Variants in NRG1 observed in about 807,000 individuals in gnomAD.
NRG1 encodes the protein pro-neuregulin-1, membrane-bound isoform.
Under a neutral mutation model 63.8 loss-of-function variants are expected in NRG1, and 18 were observed. The ratio of observed to expected loss-of-function variants is 0.28; its 90% CI spans 0.19 to 0.42. NRG1 has a LOEUF of 0.42. NRG1 is among the 10% of genes least tolerant of loss of function. NRG1 has a pLI of 1.00. For missense variants in NRG1, 762 were observed against 814.7 expected, an observed-to-expected ratio of 0.94 and a Z score of 0.79; for synonymous variants, 302 against 301.3, an observed-to-expected ratio of 1.00 and a Z score of -0.02.
At chr8:31,944,951 C>T (rs1253710700) in intron 1 of NRG1, among the ~76,000 whole-genome samples, 3 of 152,136 alleles carry the variant, frequency 2.0e-5, no homozygotes, top group Non-Finnish European at 2.9e-5. Context: ...TCAAAACTTC[C>T]GTAGTACTCA....
intron 1 of NRG1, among the ~76,000 whole-genome samples, chr8:32,427,239 A>G (rs912498933): frequency 2.6e-5 from 4 of 152,242 alleles, no homozygotes; most frequent in African/African-American, 9.6e-5. Context: ...TTCCTACCAT[A>G]CTGCTTTCCA....
chr8:32,429,535 A>G (rs1486175735), intron 1 of NRG1, among the ~76,000 whole-genome samples: 1 of 152,248 alleles, frequency 6.6e-6, no homozygotes, highest in Admixed American at 6.5e-5. Flanking sequence ...GGAAATTGTT[A>G]GAACATGACT....
At chr8:31,753,946 T>C (rs1816720867) in intron 1 of NRG1, among the ~76,000 whole-genome samples, 1 of 152,102 alleles carries the variant, frequency 6.6e-6, no homozygotes, top group Non-Finnish European at 1.5e-5. Context: ...GAAGAGGTGT[T>C]GAACTGAAAC....
chr8:32,176,920 C>T (rs184362754), intron 1 of NRG1, among the ~76,000 whole-genome samples: 10,405 of 152,044 alleles, frequency 0.068, 401 homozygotes, highest in African/African-American at 0.1. Context: ...GTCAGTGTGG[C>T]GATTCCTCAG....
intron 1 of NRG1, among the ~76,000 whole-genome samples, chr8:32,072,015 G>A (rs1825819957): frequency 6.6e-6 from 1 of 152,142 alleles, no homozygotes; most frequent in African/African-American, 2.4e-5. Context: ...AAGAAAGGCA[G>A]AGTTCTTTCT....
chr8:32,411,167 C>T (rs1384106483), intron 1 of NRG1, among the ~76,000 whole-genome samples: 1 of 152,152 alleles, frequency 6.6e-6, no homozygotes. Flanking sequence ...AGCCACCACG[C>T]CCAGCCAGCC....
At chr8:32,700,526 G>A (rs971396647) in intron 5 of NRG1, among the ~76,000 whole-genome samples, 3 of 152,054 alleles carry the variant, frequency 2.0e-5, no homozygotes, top group Admixed American at 6.5e-5. Context: ...TTAAAAATAT[G>A]CATCCTTTTA....
intron 1 of NRG1, among the ~76,000 whole-genome samples, chr8:31,774,129 C>G (rs1818889664): frequency 6.6e-6 from 1 of 152,112 alleles, no homozygotes. Context: ...GCCACTCTCC[C>G]CTTTGCTGGC....
chr8:32,446,749 C>T (rs1397517202), intron 1 of NRG1, among the ~76,000 whole-genome samples: 1 of 151,992 alleles, frequency 6.6e-6, no homozygotes, highest in Non-Finnish European at 1.5e-5. Context: ...GGGTCACCCT[C>T]TTGAATATCT....
chr8:32,270,932 T>C (rs991909196), intron 1 of NRG1, among the ~76,000 whole-genome samples: 8 of 152,164 alleles, frequency 5.3e-5, no homozygotes, highest in African/African-American at 1.9e-4. Flanking sequence ...TCCTCACCAA[T>C]GGTTTTATTT....
At chr8:32,731,628 GT>G (rs1458867126) in intron 6 of NRG1, among the ~76,000 whole-genome samples, 3 of 152,062 alleles carry the variant, frequency 2.0e-5, no homozygotes, top group African/African-American at 7.2e-5. Flanking sequence ...ACATGAAACT[GT>G]TTTTATTTTT....
chr8:32,648,267 T>C (rs772247139), intron 5 of NRG1: 1 of 1,614,088 alleles, frequency 6.2e-7, no homozygotes, highest in Middle Eastern at 1.6e-4. Flanking sequence ...CTTTTCTTTC[T>C]TGCCGTCCAC....
At chr8:31,821,116 G>T (rs895601204) in intron 1 of NRG1, among the ~76,000 whole-genome samples, 1 of 152,024 alleles carries the variant, frequency 6.6e-6, no homozygotes, top group East Asian at 1.9e-4. Context: ...TGTTTTATTT[G>T]CATTGTTTAG....
chr8:32,455,304 G>A (rs756085333), intron 1 of NRG1, among the ~76,000 whole-genome samples: 27 of 152,136 alleles, frequency 1.8e-4, no homozygotes, highest in Non-Finnish European at 3.4e-4. Flanking sequence ...CATAACACCT[G>A]CCAAATAGTG....
intron 1 of NRG1, chr8:31,639,567 G>A: frequency 7.0e-7 from 1 of 1,436,652 alleles, no homozygotes; most frequent in Non-Finnish European, 9.3e-7. Context: ...AGCAGCCGCC[G>A]CAGCATCACT....
At chr8:31,934,688 T>C (rs773393936) in intron 1 of NRG1, among the ~76,000 whole-genome samples, 2 of 152,206 alleles carry the variant, frequency 1.3e-5, no homozygotes, top group Non-Finnish European at 2.9e-5. Flanking sequence ...ATATATTGAC[T>C]GATAGCTACT....
intron 1 of NRG1, among the ~76,000 whole-genome samples, chr8:32,349,460 G>A (rs1805318163): frequency 6.6e-6 from 1 of 152,080 alleles, no homozygotes; most frequent in African/African-American, 2.4e-5. Context: ...AGTAGTCAAG[G>A]TACCATACAC....
At chr8:31,894,029 A>G (rs542730104) in intron 1 of NRG1, among the ~76,000 whole-genome samples, 29 of 152,276 alleles carry the variant, frequency 1.9e-4, no homozygotes, top group African/African-American at 6.5e-4. Context: ...ATGTTTAGAG[A>G]AAATGCTAAA....
At chr8:32,446,431 G>A (rs1024735419) in intron 1 of NRG1, among the ~76,000 whole-genome samples, 1 of 152,144 alleles carries the variant, frequency 6.6e-6, no homozygotes, top group Non-Finnish European at 1.5e-5. Flanking sequence ...AAGGTGGGAA[G>A]ATCACTTGAG....
Sources: gnomAD v4.1 joint callset for allele counts (sites outside exome capture counted in the v4.1 genomes callset) on GRCh38, gnomAD v4.1.1 for gene constraint, MANE v1.5 for transcripts, NCBI Gene and HGNC (gene_info 2026-07-23, HGNC 2026-07-21) for gene names.